NAPB: variants seen among roughly 807,000 people sequenced by gnomAD.
The protein encoded by NAPB is NSF attachment protein beta.
NAPB carries 26 observed loss-of-function variants against 44.7 expected under a neutral mutation model. The observed-to-expected ratio is 0.58, with a 90% CI of 0.43 to 0.81. The LOEUF is 0.81. Ranked by LOEUF, NAPB falls within the 30% of genes least tolerant of loss-of-function variation. NAPB has a pLI of 0.00. For missense variants in NAPB, 315 were observed against 356.4 expected, an observed-to-expected ratio of 0.88 and a Z score of 0.94; for synonymous variants, 120 against 116.8, an observed-to-expected ratio of 1.03 and a Z score of -0.18.
At chr20:23,388,932 T>C (rs1484463002) in intron 7 of NAPB, among the ~76,000 whole-genome samples, 1 of 151,958 alleles carries the variant, frequency 6.6e-6, no homozygotes. Context: ...CTTCAGTGAA[T>C]CAAAGGACAT....
At chr20:23,421,236 C>A (rs1986402400) in intron 1 of NAPB, 69 bp downstream of exon 1, 5 of 1,373,654 alleles carry the variant, frequency 3.6e-6, no homozygotes, top group Non-Finnish European at 5.0e-6. Context: ...CTCGGGGGGT[C>A]AGCCTGAAAG....
At chr20:23,420,311 C>G (rs754328123) in intron 1 of NAPB, among the ~76,000 whole-genome samples, 2 of 152,220 alleles carry the variant, frequency 1.3e-5, no homozygotes, top group Admixed American at 6.5e-5. Flanking sequence ...GCAGCGTTAC[C>G]GTTAATCAAA....
At position 23,390,175 on chromosome 20, in the gene NAPB, C is replaced by T. The variant is rs565273075; in HGVS notation, c.476+34G>A. 1.2e-5 allele frequency: 19 copies of T among 1,555,808 alleles called. No individual in the cohort carries two copies. In the South Asian group the frequency reaches 1.2e-4, roughly 10 times the overall value. Reference sequence around the variant, plus strand: ...TATTTTTTTATCACACATAATAAAACCCATTAAATCATATTAAGAAAAGTA... The same window carrying T: ...TATTTTTTTATCACACATAATAAAATCCATTAAATCATATTAAGAAAAGTA... On this transcript the variant is annotated intron_variant, in intron 6 of 10. Transcript: ENST00000377026.
At chr20:23,391,579 T>G (rs1983962158) in intron 5 of NAPB, among the ~76,000 whole-genome samples, 1 of 152,228 alleles carries the variant, frequency 6.6e-6, no homozygotes, top group Admixed American at 6.5e-5. Flanking sequence ...AAAGTTTTTC[T>G]CTAACAGGTC....
At chr20:23,382,323 A>G (rs989732507) in intron 7 of NAPB, among the ~76,000 whole-genome samples, 2 of 102,142 alleles carry the variant, frequency 2.0e-5, no homozygotes, top group African/African-American at 1.2e-4. Context: ...AATGTCAAAG[A>G]AGGCCAACTG....
chr20:23,400,842 A>G (rs1307695797), intron 2 of NAPB, among the ~76,000 whole-genome samples: 1 of 152,230 alleles, frequency 6.6e-6, no homozygotes, highest in Non-Finnish European at 1.5e-5. Context: ...CTGGAGATAC[A>G]GCAGAGATAA....
chr20:23,414,884 A>G (rs1040815191), intron 1 of NAPB, among the ~76,000 whole-genome samples: 4 of 152,186 alleles, frequency 2.6e-5, no homozygotes, highest in African/African-American at 9.7e-5. Context: ...AAATATCACA[A>G]TTTGGACAAT....
chr20:23,390,259 A>G lies in NAPB; in HGVS notation c.426T>C (p.Ile142=). 6.2e-7 allele frequency: 1 copy of G among 1,609,704 alleles called. No individual in the cohort carries two copies. The highest frequency in any genetic ancestry group is 8.5e-7 in the Non-Finnish European group (1 of 1,176,046). Residue 142 remains isoleucine (I), a synonymous_variant, in exon 6 of 11, where the codon ATT becomes ATC. Transcript: ENST00000377026. ...AATCAGCAGATTGTTCATAATGTGC[A>G]ATAGCCTGAAAACATACATATTTTA... ...ETELVDIEKA[I]AHYEQSADYY...
intron 3 of NAPB, 176 bp downstream of exon 3, chr20:23,396,896 C>G: frequency 2.0e-6 from 1 of 489,836 alleles, no homozygotes; most frequent in Non-Finnish European, 3.3e-6. Context: ...TAAAAGCCCC[C>G]AAATGATTAA....
intron 1 of NAPB, among the ~76,000 whole-genome samples, chr20:23,420,190 A>T (rs1245614035): frequency 2.0e-5 from 3 of 152,166 alleles, no homozygotes; most frequent in African/African-American, 7.2e-5. Flanking sequence ...CCGGGCTGTC[A>T]GTGCGGGCTC....
intron 2 of NAPB, among the ~76,000 whole-genome samples, chr20:23,398,465 G>A (rs1360124118): frequency 1.3e-5 from 2 of 151,926 alleles, no homozygotes; most frequent in Non-Finnish European, 2.9e-5. Flanking sequence ...CACCTCCCAG[G>A]ATCAAGAGAT....
At chr20:23,385,961 G>A (rs569486420) in intron 7 of NAPB, among the ~76,000 whole-genome samples, 9 of 151,940 alleles carry the variant, frequency 5.9e-5, no homozygotes, top group East Asian at 1.9e-4. Flanking sequence ...TTGAAATCAC[G>A]CAAAAATATG....
Position 23,382,929 on chromosome 20 carries a change from C to T in NAPB, c.562-1612G>A, listed in dbSNP as rs1008261860. ...CAGCACTGTGGGAGGCCAAGGCAGGCGAACCACTTGAGGTCAAGAGTTCAA... is the reference window on the plus strand; with the variant it reads ...CAGCACTGTGGGAGGCCAAGGCAGGTGAACCACTTGAGGTCAAGAGTTCAA... On this transcript the variant is annotated intron_variant, in intron 7 of 10. Coordinates refer to ENST00000377026, the MANE Select transcript of NAPB (RefSeq NM_022080.3). Among the ~76,000 whole-genome samples the T allele has an allele frequency of 1.1e-4, 17 of 151,810 alleles. No homozygotes were observed. The East Asian group carries it at 1.6e-3, about 14-fold the overall frequency.
intron 3 of NAPB, 162 bp downstream of exon 3, chr20:23,396,910 A>C: frequency 1.6e-6 from 1 of 634,308 alleles, no homozygotes; most frequent in Non-Finnish European, 2.3e-6. Context: ...TGATTAAAAA[A>C]GAAAAATCCC....
chr20:23,409,367 T>A (rs934404452), intron 1 of NAPB, among the ~76,000 whole-genome samples: 2 of 152,216 alleles, frequency 1.3e-5, no homozygotes, highest in Non-Finnish European at 2.9e-5. Flanking sequence ...AAATAAAGCT[T>A]ATGAGAACAA....
chr20:23,402,847 G>GACATATGGAGCAGCCACA (rs1984946342), intron 2 of NAPB, 146 bp downstream of exon 2: 1 of 639,838 alleles, frequency 1.6e-6, no homozygotes, highest in African/African-American at 1.8e-5. Context: ...GTCTCCATAT[G>GACATATGGAGCAGCCACA]TCAGTAGCAG....
At chr20:23,421,233 G>A (rs1986402119) in intron 1 of NAPB, 72 bp downstream of exon 1, 3 of 1,342,222 alleles carry the variant, frequency 2.2e-6, no homozygotes, top group Admixed American at 2.2e-5. Context: ...GGACTCGGGG[G>A]GTCAGCCTGA....
rs186567582 is a variant in NAPB, at chr20:23,383,199, G to A, written c.562-1882C>T. On this transcript the variant is annotated intron_variant, in intron 7 of 10. Coordinates refer to ENST00000377026, the MANE Select transcript of NAPB (RefSeq NM_022080.3). The stretch of plus-strand genomic sequence containing the variant: ...AAAAAAGGAAGCTGAAAAAGTACTT[G>A]AAGAAATAACTGCTAAATGATTCTC... Among the ~76,000 whole-genome samples, 48 of 146,146 alleles carry A rather than the reference G, an allele frequency of 3.3e-4. 1 individual carries two copies. In the East Asian group the frequency reaches 9.4e-3, roughly 29 times the overall value.
Position 23,421,391 on chromosome 20 carries a change from C to G in NAPB, c.12G>C (p.Ala4=), listed in dbSNP as rs746865455. 3.2e-6 allele frequency: 5 copies of G among 1,546,864 alleles called. No homozygotes were observed. The highest frequency in any genetic ancestry group is 1.2e-5 in the South Asian group (1 of 83,858). The part of the protein sequence containing the change: MDN[A]GKEREAVQLM... ...GCTGTACTGCCTCACGCTCCTTCCC[C>G]GCGTTGTCCATGTCGCCCGCCGCGG... is the stretch of plus-strand genomic sequence containing the variant. Residue 4 remains alanine, a synonymous_variant, in exon 1 of 11, where the codon GCG becomes GCC. Coordinates refer to ENST00000377026, the MANE Select transcript of NAPB (RefSeq NM_022080.3).
Sources: gnomAD v4.1 joint callset for allele counts (sites outside exome capture counted in the v4.1 genomes callset) on GRCh38, gnomAD v4.1.1 for gene constraint, MANE v1.5 for transcripts, NCBI Gene and HGNC (gene_info 2026-07-23, HGNC 2026-07-21) for gene names.